EDIL3: variants seen among roughly 807,000 people sequenced by gnomAD.
The protein encoded by EDIL3 is EGF-like repeat and discoidin I-like domain-containing protein 3.
In EDIL3, 37 loss-of-function variants were observed where a neutral mutation model predicts 67.4. The observed-to-expected ratio is 0.55, with a 90% CI of 0.42 to 0.72. The LOEUF (loss-of-function observed/expected upper bound fraction) is 0.72. Ranked by LOEUF, EDIL3 falls within the 30% of genes least tolerant of loss-of-function variation. The pLI is 0.00. For missense variants in EDIL3, 527 were observed against 586.3 expected (o/e 0.90, Z 1.04); for synonymous variants, 195 against 196.3 (o/e 0.99, Z 0.05).
intron 1 of EDIL3, among the ~76,000 whole-genome samples, chr5:84,372,982 G>A (rs1747886746): frequency 6.6e-6 from 1 of 152,096 alleles, no homozygotes; most frequent in Non-Finnish European, 1.5e-5. Flanking sequence ...ATACCTTGCA[G>A]CCCTCTTAAC....
intron 5 of EDIL3, among the ~76,000 whole-genome samples, 174 bp downstream of exon 5, chr5:84,137,067 T>C (rs893551245): frequency 6.6e-6 from 1 of 152,090 alleles, no homozygotes; most frequent in Non-Finnish European, 1.5e-5. Flanking sequence ...AAAGTGCCAT[T>C]TCAATGGATT....
intron 1 of EDIL3, among the ~76,000 whole-genome samples, chr5:84,326,615 T>C (rs13168068): frequency 5.2e-4 from 79 of 152,114 alleles, no homozygotes; most frequent in African/African-American, 1.8e-3. Flanking sequence ...TATTCCATTG[T>C]TGATCATCTG....
At chr5:84,338,890 G>C (rs1176435564) in intron 1 of EDIL3, among the ~76,000 whole-genome samples, 2 of 152,122 alleles carry the variant, frequency 1.3e-5, no homozygotes, top group Non-Finnish European at 2.9e-5. Context: ...ATGCTCTGCT[G>C]TCACCATTTT....
chr5:84,268,765 G>A (rs776958539), intron 1 of EDIL3, among the ~76,000 whole-genome samples: 6 of 152,022 alleles, frequency 3.9e-5, no homozygotes, highest in Non-Finnish European at 7.4e-5. Flanking sequence ...TCACCACTTC[G>A]TACTGTTCCA....
intron 1 of EDIL3, among the ~76,000 whole-genome samples, chr5:84,266,633 T>G (rs937884125): frequency 5.3e-5 from 8 of 152,192 alleles, no homozygotes; most frequent in Non-Finnish European, 1.0e-4. Flanking sequence ...ATACCTCTGA[T>G]GCTCTCAGAG....
At chr5:83,974,479 TA>T (rs954782999) in intron 9 of EDIL3, among the ~76,000 whole-genome samples, 12 of 150,740 alleles carry the variant, frequency 8.0e-5, no homozygotes, top group East Asian at 3.9e-4. Flanking sequence ...GGATGACAAT[TA>T]AAAAAAAAAT....
chr5:84,073,190 C>T (rs561259365), intron 6 of EDIL3, among the ~76,000 whole-genome samples: 56 of 152,154 alleles, frequency 3.7e-4, no homozygotes, highest in Non-Finnish European at 5.3e-4. Context: ...ATTGATGGGA[C>T]GTATCTCAAA....
Position 84,180,540 on chromosome 5 carries a change from T to A in EDIL3, c.227-19A>T. On this transcript the variant is annotated intron_variant, in intron 3 of 10. Coordinates refer to ENST00000296591, the MANE Select transcript of EDIL3 (RefSeq NM_005711.5). ...CAGGGACCTGAAAGACAGAAAAAAA[T>A]ATTTCTGCTTGATGCATATTCTTAA... 2 of 1,544,950 alleles carry A rather than the reference T, an allele frequency of 1.3e-6. No individual in the cohort carries two copies. Among genetic ancestry groups the A allele is most frequent in the Non-Finnish European group, 1.7e-6 (2 of 1,150,528 alleles).
rs534321410 is a variant in EDIL3, at chr5:83,994,167, C to T, written c.1138-30807G>A. Among the ~76,000 whole-genome samples, 10 of 152,252 alleles carry T rather than the reference C, an allele frequency of 6.6e-5. No individual in the cohort carries two copies. In the East Asian group the frequency reaches 1.9e-3, roughly 29 times the overall value. On this transcript the variant is annotated intron_variant, in intron 9 of 10. Transcript: ENST00000296591. ...CGCTTCCTTTATGATGCAAACAGTT[C>T]TAAGATCCTCCCATAAAGCTAGGGT...
intron 3 of EDIL3, among the ~76,000 whole-genome samples, chr5:84,226,189 GA>G (rs1561227485): frequency 6.6e-6 from 1 of 151,540 alleles, no homozygotes; most frequent in African/African-American, 2.4e-5. Context: ...ACTGATAACT[GA>G]AACAAAATGG....
chr5:84,088,684 T>C (rs1047330372), intron 6 of EDIL3, among the ~76,000 whole-genome samples: 1 of 152,098 alleles, frequency 6.6e-6, no homozygotes. Flanking sequence ...GCATTAAGTA[T>C]ATAATAGAAG....
Position 83,948,532 on chromosome 5 carries a change from T to C in EDIL3, c.1294-4964A>G, listed in dbSNP as rs1049549318. Among the ~76,000 whole-genome samples, 3 of 151,710 alleles carry C rather than the reference T, an allele frequency of 2.0e-5. No homozygotes were observed. The East Asian group carries it at 5.8e-4, about 29-fold the overall frequency. Reference sequence around the variant, plus strand: ...AATTCTAGGGCTAGATTTTCAGTAATATTTTAGGATAATCTAAAATTTATG... The same window carrying C: ...AATTCTAGGGCTAGATTTTCAGTAACATTTTAGGATAATCTAAAATTTATG... On this transcript the variant is annotated intron_variant, in intron 10 of 10. Transcript: ENST00000296591.
At chr5:84,094,745 A>T (rs558904974) in intron 6 of EDIL3, among the ~76,000 whole-genome samples, 1 of 152,382 alleles carries the variant, frequency 6.6e-6, no homozygotes, top group Admixed American at 6.5e-5. Flanking sequence ...ATAACAATTT[A>T]TGCTCACTTA....
chr5:84,066,259 A>C (rs1023867289), intron 7 of EDIL3, among the ~76,000 whole-genome samples, 192 bp downstream of exon 7: 1 of 152,128 alleles, frequency 6.6e-6, no homozygotes, highest in African/African-American at 2.4e-5. Context: ...GAAAATCTTA[A>C]ATGTCAGCCA....
At chr5:84,162,182 G>C (rs934861402) in intron 4 of EDIL3, among the ~76,000 whole-genome samples, 1 of 152,082 alleles carries the variant, frequency 6.6e-6, no homozygotes, top group Non-Finnish European at 1.5e-5. Flanking sequence ...CTGGGTTCTG[G>C]ATTATCTTCA....
At chr5:84,247,443 T>C (rs1531255) in intron 2 of EDIL3, among the ~76,000 whole-genome samples, 122,779 of 152,064 alleles carry the variant, frequency 0.81, 49,934 homozygotes, top group East Asian at 0.95. Flanking sequence ...TGACACTGAT[T>C]GCCTTCTGAA....
intron 9 of EDIL3, among the ~76,000 whole-genome samples, chr5:84,022,983 T>C (rs1745746162): frequency 6.6e-6 from 1 of 152,048 alleles, no homozygotes; most frequent in African/African-American, 2.4e-5. Flanking sequence ...TTATTCATTC[T>C]ATGCTTGTAA....
intron 1 of EDIL3, among the ~76,000 whole-genome samples, chr5:84,273,733 A>T (rs539022998): frequency 1.3e-5 from 2 of 152,056 alleles, no homozygotes; most frequent in African/African-American, 4.8e-5. Context: ...TTTCTACCAC[A>T]CTCCTCAAAC....
intron 1 of EDIL3, among the ~76,000 whole-genome samples, chr5:84,261,020 A>G (rs985244133): frequency 6.6e-6 from 1 of 152,220 alleles, no homozygotes; most frequent in Non-Finnish European, 1.5e-5. Flanking sequence ...TGTGCATTAC[A>G]ACCTCATCTT....
Sources: gnomAD v4.1 joint callset for allele counts (sites outside exome capture counted in the v4.1 genomes callset) on GRCh38, gnomAD v4.1.1 for gene constraint, MANE v1.5 for transcripts, NCBI Gene and HGNC (gene_info 2026-07-23, HGNC 2026-07-21) for gene names.